The following ZMYM4 variants were observed in gnomAD, a reference collection of about 807,000 sequenced individuals.
ZMYM4 encodes zinc finger MYM-type protein 4.
A neutral mutation model predicts 183.2 loss-of-function variants in ZMYM4; 31 were observed. That is an observed-to-expected ratio of 0.17 (90% CI 0.13 to 0.23). The LOEUF (loss-of-function observed/expected upper bound fraction) is 0.23, where lower values mean the gene tolerates loss of function less well. ZMYM4 is among the 10% of genes least tolerant of loss of function. ZMYM4 has a pLI of 1.00. For missense variants in ZMYM4, 1,273 were observed against 1,840.3 expected, an observed-to-expected ratio of 0.69 and a Z score of 5.64; for synonymous variants, 592 against 631.2, an observed-to-expected ratio of 0.94 and a Z score of 0.93.
At chr1:35,378,489 G>A (rs1644382482) in intron 7 of ZMYM4, among the ~76,000 whole-genome samples, 1 of 152,206 alleles carries the variant, frequency 6.6e-6, no homozygotes, top group South Asian at 2.1e-4. Flanking sequence ...TACTGGGTAA[G>A]CAGGTATGAA....
At chr1:35,335,847 G>T (rs944361619) in intron 2 of ZMYM4, among the ~76,000 whole-genome samples, 7 of 152,142 alleles carry the variant, frequency 4.6e-5, no homozygotes, top group African/African-American at 1.4e-4. Context: ...CAGCTACTCG[G>T]GAGGCTGAGG....
chr1:35,287,713 C>T (rs897073429), intron 1 of ZMYM4, among the ~76,000 whole-genome samples: 1 of 152,120 alleles, frequency 6.6e-6, no homozygotes, highest in Middle Eastern at 3.2e-3. Flanking sequence ...TCAAGCGATT[C>T]TCCTGCCTTA....
At chr1:35,411,579 A>AG (rs1639899602) in intron 26 of ZMYM4, among the ~76,000 whole-genome samples, 1 of 152,234 alleles carries the variant, frequency 6.6e-6, no homozygotes, top group South Asian at 2.1e-4. Flanking sequence ...GGGCTCTTCA[A>AG]GGTCCTTTGA....
intron 1 of ZMYM4, among the ~76,000 whole-genome samples, chr1:35,287,742 ATT>A (rs1640574887): frequency 6.6e-6 from 1 of 151,920 alleles, no homozygotes; most frequent in Non-Finnish European, 1.5e-5. Context: ...TGTAGCTGGG[ATT>A]ACAGGCATGC....
At chr1:35,271,390 C>T (rs1320449346) in intron 1 of ZMYM4, among the ~76,000 whole-genome samples, 1 of 151,752 alleles carries the variant, frequency 6.6e-6, no homozygotes, top group Non-Finnish European at 1.5e-5. Context: ...ATACTGGTAG[C>T]AGTAAAAACT....
At chr1:35,411,198 T>G (rs1282139840) in intron 26 of ZMYM4, among the ~76,000 whole-genome samples, 2 of 150,932 alleles carry the variant, frequency 1.3e-5, no homozygotes, top group African/African-American at 4.9e-5. Context: ...TTTTTTTTTT[T>G]TTTTTGAGAT....
chr1:35,273,806 G>T (rs1429288101), intron 1 of ZMYM4, among the ~76,000 whole-genome samples: 1 of 152,178 alleles, frequency 6.6e-6, no homozygotes, highest in South Asian at 2.1e-4. Context: ...AGTGGGTAGG[G>T]AGGAGAAACG....
chr1:35,276,212 A>T (rs1478857131), intron 1 of ZMYM4, among the ~76,000 whole-genome samples: 2 of 151,846 alleles, frequency 1.3e-5, no homozygotes, highest in South Asian at 4.2e-4. Context: ...AAATTAATCT[A>T]CTATTCCTGT....
chr1:35,316,468 T>C (rs1256267265), intron 1 of ZMYM4, among the ~76,000 whole-genome samples: 1 of 152,246 alleles, frequency 6.6e-6, no homozygotes, highest in Non-Finnish European at 1.5e-5. Flanking sequence ...CAGTGCTAGC[T>C]CTTGTGTTAA....
At chr1:35,341,616 A>G (rs1478326088) in intron 2 of ZMYM4, among the ~76,000 whole-genome samples, 1 of 151,878 alleles carries the variant, frequency 6.6e-6, no homozygotes, top group African/African-American at 2.4e-5. Context: ...TTTAAAATAA[A>G]TTTGAATCTG....
chr1:35,382,451 G>A (rs1644484788), intron 9 of ZMYM4, among the ~76,000 whole-genome samples: 1 of 149,930 alleles, frequency 6.7e-6, no homozygotes, highest in African/African-American at 2.5e-5. Flanking sequence ...TTTTTAGAGT[G>A]TGGCTTTTTT....
chr1:35,363,213 C>G (rs1643986120), intron 5 of ZMYM4, among the ~76,000 whole-genome samples: 1 of 152,098 alleles, frequency 6.6e-6, no homozygotes, highest in South Asian at 2.1e-4. Flanking sequence ...CTTCTGTGCT[C>G]AAGCGATCCT....
At chr1:35,343,256 A>G (rs1486589156) in intron 2 of ZMYM4, among the ~76,000 whole-genome samples, 1 of 152,196 alleles carries the variant, frequency 6.6e-6, no homozygotes, top group Admixed American at 6.5e-5. Context: ...GAAATCTATC[A>G]TAAGATCATG....
At chr1:35,305,449 A>AT (rs1215392381) in intron 1 of ZMYM4, among the ~76,000 whole-genome samples, 4 of 149,868 alleles carry the variant, frequency 2.7e-5, no homozygotes, top group South Asian at 2.1e-4. Context: ...TTTTTTTAAG[A>AT]TTTTTTTTCT....
intron 1 of ZMYM4, among the ~76,000 whole-genome samples, chr1:35,304,319 C>T (rs1468897135): frequency 2.6e-5 from 4 of 151,968 alleles, no homozygotes; most frequent in Non-Finnish European, 2.9e-5. Flanking sequence ...CCACCGCGCC[C>T]GGCCATACAG....
chr1:35,412,119 T>TCCGC (rs972814671), intron 26 of ZMYM4, among the ~76,000 whole-genome samples: 5 of 152,046 alleles, frequency 3.3e-5, no homozygotes, highest in Non-Finnish European at 7.4e-5. Flanking sequence ...GACCTTGTGA[T>TCCGC]CCGCCCGCCT....
At chr1:35,280,338 A>T (rs936300744) in intron 1 of ZMYM4, among the ~76,000 whole-genome samples, 2 of 148,714 alleles carry the variant, frequency 1.3e-5, no homozygotes, top group African/African-American at 5.0e-5. Flanking sequence ...GTGTTTTACC[A>T]TGTTGCACAG....
intron 1 of ZMYM4, among the ~76,000 whole-genome samples, chr1:35,282,860 T>A (rs1259340088): frequency 1.2e-4 from 18 of 151,618 alleles, no homozygotes; most frequent in Admixed American, 1.2e-3. Context: ...CCAGCCTGTG[T>A]TTATCTTTTT....
intron 26 of ZMYM4, among the ~76,000 whole-genome samples, chr1:35,409,927 AAG>A (rs1639810955): frequency 6.6e-6 from 1 of 151,166 alleles, no homozygotes; most frequent in African/African-American, 2.4e-5. Context: ...GTGACAGAAC[AAG>A]ACTCTGTCTC....
Sources: gnomAD v4.1 joint callset for allele counts (sites outside exome capture counted in the v4.1 genomes callset) on GRCh38, gnomAD v4.1.1 for gene constraint, MANE v1.5 for transcripts, NCBI Gene and HGNC (gene_info 2026-07-23, HGNC 2026-07-21) for gene names.